Variants in MYRIP observed in about 807,000 individuals in gnomAD.
The protein encoded by MYRIP is rab effector MyRIP.
MYRIP carries 49 observed loss-of-function variants against 98.0 expected under a neutral mutation model. That is an observed-to-expected ratio of 0.50 (90% CI 0.40 to 0.63). The LOEUF (loss-of-function observed/expected upper bound fraction) is 0.63, where lower values mean the gene tolerates loss of function less well. Among genes scored for constraint, MYRIP ranks in the 30% least tolerant of loss-of-function variants. MYRIP has a pLI of 0.00. For synonymous variants in MYRIP, 404 were observed against 409.5 expected (o/e 0.99, Z 0.16); for missense variants, 1,004 against 1,058.2 (o/e 0.95, Z 0.71).
At chr3:40,081,275 C>T (rs931880641) in intron 3 of MYRIP, among the ~76,000 whole-genome samples, 2 of 152,022 alleles carry the variant, frequency 1.3e-5, no homozygotes, top group Non-Finnish European at 2.9e-5. Context: ...CTGCTCAAAT[C>T]TTCTATATTC....
intron 2 of MYRIP, among the ~76,000 whole-genome samples, chr3:39,939,790 T>A (rs1463589036): frequency 6.6e-6 from 1 of 152,138 alleles, no homozygotes; most frequent in Non-Finnish European, 1.5e-5. Flanking sequence ...AATGGCAGGA[T>A]AATCTGATGA....
chr3:39,869,841 A>G (rs1240005864), intron 1 of MYRIP, among the ~76,000 whole-genome samples: 1 of 152,156 alleles, frequency 6.6e-6, no homozygotes, highest in Non-Finnish European at 1.5e-5. Flanking sequence ...AAAGACTAAC[A>G]ATGTGTGGCT....
At chr3:40,220,833 T>A (rs1952313932) in intron 11 of MYRIP, among the ~76,000 whole-genome samples, 1 of 151,742 alleles carries the variant, frequency 6.6e-6, no homozygotes. Flanking sequence ...GCCACACACT[T>A]TTAAACAATC....
intron 3 of MYRIP, among the ~76,000 whole-genome samples, chr3:40,121,698 C>T (rs1440660199): frequency 1.3e-5 from 2 of 152,174 alleles, no homozygotes; most frequent in Non-Finnish European, 2.9e-5. Flanking sequence ...ATGAAGCAAG[C>T]AAGGCACTCA....
chr3:39,816,988 C>T (rs116466773), intron 1 of MYRIP, among the ~76,000 whole-genome samples: 3,212 of 152,238 alleles, frequency 0.021, 58 homozygotes, highest in Non-Finnish European at 0.029. Flanking sequence ...TGTAGGTCCC[C>T]ATTGTGATGT....
intron 2 of MYRIP, among the ~76,000 whole-genome samples, chr3:40,009,620 G>A (rs2125794328): frequency 6.6e-6 from 1 of 152,272 alleles, no homozygotes; most frequent in South Asian, 2.1e-4. Flanking sequence ...TGGGCTTCAA[G>A]GGCATACATG....
At chr3:40,077,142 G>A (rs1948361812) in intron 3 of MYRIP, among the ~76,000 whole-genome samples, 1 of 152,128 alleles carries the variant, frequency 6.6e-6, no homozygotes, top group South Asian at 2.1e-4. Context: ...TGGTCTCGCT[G>A]GCTTCAGGAG....
rs946838310 is a variant in MYRIP at position 40,209,852 on chromosome 3, A to T, written c.1666-2A>T. 6.2e-7 allele frequency: 1 copy of T among 1,613,746 alleles called. No individual in the cohort carries two copies. Among genetic ancestry groups the T allele is most frequent in the Admixed American group, 1.7e-5 (1 of 59,964 alleles). ...CATCTCATGATTCTGGCTTTCATTTAGGTGTCGGATGATTTATCAGAGACA... is the reference window on the plus strand; with the variant it reads ...CATCTCATGATTCTGGCTTTCATTTTGGTGTCGGATGATTTATCAGAGACA... On this transcript the variant is annotated splice_acceptor_variant, in intron 10 of 16. Transcript: ENST00000302541. LOFTEE classifies it high-confidence loss of function.
At chr3:39,944,893 A>G (rs1314608850) in intron 2 of MYRIP, among the ~76,000 whole-genome samples, 4 of 152,166 alleles carry the variant, frequency 2.6e-5, no homozygotes, top group Non-Finnish European at 5.9e-5. Flanking sequence ...GTCTATCACT[A>G]TATGACTCTG....
chr3:39,907,804 G>A (rs1249038539), intron 2 of MYRIP, among the ~76,000 whole-genome samples: 1 of 152,134 alleles, frequency 6.6e-6, no homozygotes, highest in Non-Finnish European at 1.5e-5. Flanking sequence ...GTCTGGATGC[G>A]ACCTGAGTTT....
chr3:39,994,417 A>G (rs1352617090), intron 2 of MYRIP, among the ~76,000 whole-genome samples: 2 of 152,252 alleles, frequency 1.3e-5, no homozygotes, highest in African/African-American at 4.8e-5. Flanking sequence ...GGAGGGTCCT[A>G]TGCCCACGGA....
chr3:40,237,866 C>T (rs1952865381), intron 12 of MYRIP, among the ~76,000 whole-genome samples: 1 of 152,222 alleles, frequency 6.6e-6, no homozygotes, highest in African/African-American at 2.4e-5. Context: ...TCTCATAGCA[C>T]ACTTAAAACA....
intron 2 of MYRIP, among the ~76,000 whole-genome samples, chr3:40,004,518 G>A (rs1946590525): frequency 1.3e-5 from 2 of 151,926 alleles, no homozygotes; most frequent in Admixed American, 1.3e-4. Context: ...GGAACAGGTG[G>A]TGTTTGGTTA....
intron 3 of MYRIP, among the ~76,000 whole-genome samples, chr3:40,112,309 G>A (rs937082831): frequency 5.9e-5 from 9 of 152,132 alleles, no homozygotes; most frequent in Non-Finnish European, 1.2e-4. Context: ...AAAGGAGAGT[G>A]AAAGAAGAAA....
chr3:39,863,546 A>G (rs1942531233), intron 1 of MYRIP, among the ~76,000 whole-genome samples: 1 of 152,208 alleles, frequency 6.6e-6, no homozygotes, highest in African/African-American at 2.4e-5. Flanking sequence ...TTCTATGTAT[A>G]CTATTTAGAA....
rs145030031 is a variant in MYRIP at position 39,964,613 on chromosome 3, C to T, written c.110+63687C>T. 1.1e-3 allele frequency among the ~76,000 whole-genome samples: 169 copies of T among 152,276 alleles called. 1 individual carries two copies. The highest frequency in any genetic ancestry group is 3.8e-3 in the African/African-American group (160 of 41,582). Reference sequence around the variant, plus strand: ...ATGTTAAACTCATTGCAGAATCACTCTGAGGCCTGGCTGCAGTGCTGTTTA... The same window carrying T: ...ATGTTAAACTCATTGCAGAATCACTTTGAGGCCTGGCTGCAGTGCTGTTTA... On this transcript the variant is annotated intron_variant, in intron 2 of 16. Coordinates refer to ENST00000302541, the MANE Select transcript of MYRIP (RefSeq NM_015460.4).
intron 2 of MYRIP, among the ~76,000 whole-genome samples, chr3:39,925,692 T>A (rs114041607): frequency 0.015 from 2,309 of 152,236 alleles, 31 homozygotes; most frequent in Middle Eastern, 0.027. Flanking sequence ...TAGTATTCAA[T>A]GATGTATATG....
intron 10 of MYRIP, among the ~76,000 whole-genome samples, chr3:40,192,843 T>A (rs1951277969): frequency 6.6e-6 from 1 of 152,184 alleles, no homozygotes; most frequent in African/African-American, 2.4e-5. Context: ...TGAGTCATTG[T>A]ATATAGAGGT....
chr3:39,862,309 C>A (rs950089296), intron 1 of MYRIP, among the ~76,000 whole-genome samples: 11 of 152,106 alleles, frequency 7.2e-5, no homozygotes, highest in African/African-American at 2.7e-4. Context: ...TTACCATCAG[C>A]CCTGGATTAT....
Sources: gnomAD v4.1 joint callset for allele counts (sites outside exome capture counted in the v4.1 genomes callset) on GRCh38, gnomAD v4.1.1 for gene constraint, MANE v1.5 for transcripts, NCBI Gene and HGNC (gene_info 2026-07-23, HGNC 2026-07-21) for gene names.